The following DMXL1 variants were observed in gnomAD, a reference collection of about 807,000 sequenced individuals.
DMXL1 encodes the protein dmX-like protein 1.
In DMXL1, 99 loss-of-function variants were observed where a neutral mutation model predicts 319.2. That is an observed-to-expected ratio of 0.31 (90% CI 0.26 to 0.37). The LOEUF is 0.37. DMXL1 is among the 10% of genes least tolerant of loss of function. DMXL1 has a pLI of 1.00. For missense variants in DMXL1, 3,745 were observed against 3,595.6 expected (o/e 1.04, Z -1.06); for synonymous variants, 1,385 against 1,235.2 (o/e 1.12, Z -2.54).
chr5:119,195,398 G>A (rs1041758197), intron 30 of DMXL1, among the ~76,000 whole-genome samples: 5 of 152,128 alleles, frequency 3.3e-5, no homozygotes, highest in Non-Finnish European at 7.4e-5. Context: ...TACGTTCAAC[G>A]GAGTATTATT....
chr5:119,109,551 A>G (rs572129813), intron 4 of DMXL1, among the ~76,000 whole-genome samples: 10 of 152,292 alleles, frequency 6.6e-5, no homozygotes, highest in African/African-American at 2.4e-4. Context: ...TTTTTTTTCT[A>G]GCCTATCTGT....
chr5:119,118,739 T>C, intron 7 of DMXL1, 76 bp from the exon 8 acceptor site: 1 of 1,149,402 alleles, frequency 8.7e-7, no homozygotes, highest in South Asian at 1.6e-5. Flanking sequence ...TTTAAGTAAT[T>C]ACAGAAACAT....
At chr5:119,155,876 A>C (rs1770934312) in intron 19 of DMXL1, among the ~76,000 whole-genome samples, 1 of 151,384 alleles carries the variant, frequency 6.6e-6, no homozygotes, top group Non-Finnish European at 1.5e-5. Context: ...GTTGCTTCTT[A>C]AAGGATGAGC....
At chr5:119,228,494 C>T (rs1218037635) in intron 38 of DMXL1, among the ~76,000 whole-genome samples, 2 of 152,134 alleles carry the variant, frequency 1.3e-5, no homozygotes, top group Non-Finnish European at 2.9e-5. Flanking sequence ...ATTTTTAGAA[C>T]CTTCATGCAA....
intron 17 of DMXL1, among the ~76,000 whole-genome samples, 188 bp from the exon 18 acceptor site, chr5:119,148,551 C>T (rs1240521108): frequency 6.6e-6 from 1 of 152,080 alleles, no homozygotes; most frequent in Non-Finnish European, 1.5e-5. Flanking sequence ...ACTATTCTTG[C>T]TGCCCCTTTT....
At position 119,227,466 on chromosome 5, in the gene DMXL1, C is replaced by G. The variant is rs150649536; in HGVS notation, c.8338+2697C>G. On this transcript the variant is annotated intron_variant, in intron 38 of 43. Coordinates refer to ENST00000539542, the MANE Select transcript of DMXL1 (RefSeq NM_001290321.3). ...CTTGCCATCTGATTTCACCTGCAGT[C>G]CTATAGATTTGGGTTGATTGCTCTT... 2.0e-5 allele frequency among the ~76,000 whole-genome samples: 3 copies of G among 152,226 alleles called. No individual in the cohort carries two copies. In the East Asian group the frequency reaches 5.8e-4, roughly 29 times the overall value.
chr5:119,173,784 A>G lies in DMXL1; in HGVS notation c.6682-1477A>G, dbSNP rs1449798906. On this transcript the variant is annotated intron_variant, in intron 25 of 43. Coordinates refer to ENST00000539542, the MANE Select transcript of DMXL1 (RefSeq NM_001290321.3). ...TATATATATGTGTGTGTGTATATAT[A>G]TATATATATATATAATGAGAGAGAG... 5.8e-5 allele frequency among the ~76,000 whole-genome samples: 7 copies of G among 120,512 alleles called. 1 individual carries two copies. Among genetic ancestry groups the G allele is most frequent in the Admixed American group, 1.7e-4 (2 of 11,488 alleles). The allele number at this position is 120,512 out of a possible 152,430, so 79.1% of individuals were successfully genotyped here.
At chr5:119,177,264 TA>T in intron 26 of DMXL1, 92 bp from the exon 27 acceptor site, 2 of 872,812 alleles carry the variant, frequency 2.3e-6, no homozygotes, top group Admixed American at 6.8e-5. Context: ...GTATAATTAA[TA>T]AACAAAAATT....
intron 30 of DMXL1, among the ~76,000 whole-genome samples, chr5:119,195,036 C>T (rs533139023): frequency 6.6e-6 from 1 of 151,462 alleles, no homozygotes; most frequent in African/African-American, 2.4e-5. Flanking sequence ...AATGAGACAA[C>T]ATCTCATATG....
chr5:119,244,227 A>G (rs1789324135), intron 42 of DMXL1, 132 bp from the exon 43 acceptor site: 1 of 688,418 alleles, frequency 1.5e-6, no homozygotes, highest in Non-Finnish European at 2.4e-6. Flanking sequence ...ATTGGTTTTT[A>G]TATTTCATTT....
intron 30 of DMXL1, among the ~76,000 whole-genome samples, chr5:119,194,500 AT>A (rs2150395828): frequency 6.6e-6 from 1 of 151,344 alleles, no homozygotes; most frequent in South Asian, 2.1e-4. Context: ...TCTAGTCTCT[AT>A]TGATATGTTT....
intron 30 of DMXL1, among the ~76,000 whole-genome samples, 174 bp from the exon 31 acceptor site, chr5:119,196,197 C>T (rs1050107571): frequency 2.0e-5 from 3 of 152,150 alleles, no homozygotes; most frequent in Non-Finnish European, 4.4e-5. Context: ...TTCTACACTT[C>T]TGCTATTGTA....
At chr5:119,212,799 A>G (rs1783031085) in intron 34 of DMXL1, among the ~76,000 whole-genome samples, 1 of 152,160 alleles carries the variant, frequency 6.6e-6, no homozygotes, top group South Asian at 2.1e-4. Flanking sequence ...TTAACAAATA[A>G]AATTACATTC....
At chr5:119,098,144 A>G (rs369608350) in intron 2 of DMXL1, 40 bp downstream of exon 2, 17 of 1,581,714 alleles carry the variant, frequency 1.1e-5, no homozygotes, top group Admixed American at 5.8e-5. Flanking sequence ...TGTTTGGAAT[A>G]TGGTTTTTGT....
intron 7 of DMXL1, among the ~76,000 whole-genome samples, chr5:119,116,672 T>C (rs559417811): frequency 6.6e-6 from 1 of 152,366 alleles, no homozygotes; most frequent in Non-Finnish European, 1.5e-5. Flanking sequence ...TTTATATTTT[T>C]ACATAAATAC....
chr5:119,168,617 G>T lies in DMXL1; in HGVS notation c.5398+753G>T, dbSNP rs773986205. Reference sequence around the variant, plus strand: ...AAAGCTGTGTGACTCATTTGTTTAAGTCTCCTAGCCATTTAAGCTAAAGAT... The same window carrying T: ...AAAGCTGTGTGACTCATTTGTTTAATTCTCCTAGCCATTTAAGCTAAAGAT... On this transcript the variant is annotated intron_variant, in intron 23 of 43. Coordinates refer to ENST00000539542, the MANE Select transcript of DMXL1 (RefSeq NM_001290321.3). Among the ~76,000 whole-genome samples, 3 of 152,100 alleles carry T rather than the reference G, an allele frequency of 2.0e-5. No homozygotes were observed. The East Asian group carries it at 5.8e-4, about 29-fold the overall frequency.
intron 13 of DMXL1, 38 bp from the exon 14 acceptor site, chr5:119,143,803 A>C: frequency 2.2e-6 from 3 of 1,360,560 alleles, no homozygotes; most frequent in Non-Finnish European, 3.0e-6. Context: ...TTGCATATGA[A>C]TTGTTTAGTA....
At chr5:119,182,225 T>A (rs1191809547) in intron 28 of DMXL1, among the ~76,000 whole-genome samples, 1 of 152,246 alleles carries the variant, frequency 6.6e-6, no homozygotes, top group Non-Finnish European at 1.5e-5. Flanking sequence ...TTGAATCCAG[T>A]TAAAATTAAT....
In DMXL1 at chr5:119,146,962, T is replaced by G. The variant is rs778723018; in HGVS notation, c.2689+6T>G. ...GTCAATTCCTGTCTCATTAGGTGAG[T>G]CTTTTGTGTGTGTGTTTGTGCAACT... is the stretch of plus-strand genomic sequence containing the variant. On this transcript the variant is annotated splice_donor_region_variant and intron_variant, in intron 16 of 43. Transcript: ENST00000539542. 3 of 1,610,976 alleles carry G rather than the reference T, an allele frequency of 1.9e-6. No individual in the cohort carries two copies. Among genetic ancestry groups the G allele is most frequent in the Non-Finnish European group, 2.5e-6 (3 of 1,178,808 alleles).
Sources: allele counts gnomAD v4.1 joint callset (sites outside exome capture counted in the v4.1 genomes callset), GRCh38; gene constraint gnomAD v4.1.1; transcripts MANE v1.5; gene names NCBI Gene and HGNC (gene_info 2026-07-23, HGNC 2026-07-21).